Variants in ENPP6 observed in about 807,000 individuals in gnomAD.
ENPP6 encodes the protein glycerophosphocholine cholinephosphodiesterase ENPP6.
In ENPP6, 32 loss-of-function variants were observed where a neutral mutation model predicts 42.0. The ratio of observed to expected loss-of-function variants is 0.76; its 90% CI spans 0.58 to 1.02. The LOEUF (loss-of-function observed/expected upper bound fraction) is 1.02. Among genes scored for constraint, ENPP6 ranks in the 50% least tolerant of loss-of-function variants. The pLI is 0.00. For missense variants in ENPP6, 552 were observed against 566.8 expected (o/e 0.97, Z 0.27); for synonymous variants, 213 against 216.0 (o/e 0.99, Z 0.12).
chr4:184,153,806 T>C, intron 1 of ENPP6, 73 bp from the exon 2 acceptor site: 1 of 1,520,540 alleles, frequency 6.6e-7, no homozygotes, highest in Non-Finnish European at 8.9e-7. Flanking sequence ...TTCTTGATCA[T>C]ATAAGCCATT....
chr4:184,170,362 G>A (rs1404352492), intron 1 of ENPP6, among the ~76,000 whole-genome samples: 1 of 151,554 alleles, frequency 6.6e-6, no homozygotes, highest in Non-Finnish European at 1.5e-5. Flanking sequence ...CCAGGGAGTT[G>A]AAGGTTGTGG....
At chr4:184,117,302 G>A (rs1456730290) in intron 4 of ENPP6, among the ~76,000 whole-genome samples, 1 of 152,182 alleles carries the variant, frequency 6.6e-6, no homozygotes, top group East Asian at 1.9e-4. Flanking sequence ...CATCTTCTCT[G>A]GCTCTTTCAA....
intron 1 of ENPP6, among the ~76,000 whole-genome samples, chr4:184,160,509 C>T (rs931442768): frequency 5.9e-5 from 9 of 151,862 alleles, no homozygotes; most frequent in East Asian, 1.9e-4. Context: ...GGAGAACAGA[C>T]GTTATTTAAT....
At chr4:184,093,835 A>G (rs1267260305) in intron 7 of ENPP6, among the ~76,000 whole-genome samples, 2 of 152,090 alleles carry the variant, frequency 1.3e-5, no homozygotes, top group African/African-American at 4.8e-5. Flanking sequence ...TGGTTGTTCC[A>G]GCGGCATGGA....
At chr4:184,137,484 T>A (rs1363965830) in intron 2 of ENPP6, among the ~76,000 whole-genome samples, 2 of 152,210 alleles carry the variant, frequency 1.3e-5, no homozygotes, top group Non-Finnish European at 1.5e-5. Context: ...TTTTTTAAAT[T>A]GAATACTACA....
chr4:184,102,907 C>T (rs148164703), intron 6 of ENPP6, among the ~76,000 whole-genome samples: 58 of 152,340 alleles, frequency 3.8e-4, no homozygotes, highest in African/African-American at 1.3e-3. Context: ...CCCAGGTGGT[C>T]GGGATGTGCA....
At chr4:184,189,188 T>C (rs1732681343) in intron 1 of ENPP6, among the ~76,000 whole-genome samples, 1 of 152,188 alleles carries the variant, frequency 6.6e-6, no homozygotes, top group African/African-American at 2.4e-5. Flanking sequence ...CCGCCTTCCT[T>C]TCCTGGCCAT....
At chr4:184,104,503 C>T (rs940885151) in intron 6 of ENPP6, among the ~76,000 whole-genome samples, 2 of 152,164 alleles carry the variant, frequency 1.3e-5, no homozygotes, top group African/African-American at 4.8e-5. Context: ...TGGACACTGT[C>T]CAGGAGAGGC....
intron 1 of ENPP6, among the ~76,000 whole-genome samples, chr4:184,207,267 A>C (rs1478400770): frequency 1.3e-5 from 2 of 152,260 alleles, no homozygotes; most frequent in African/African-American, 4.8e-5. Flanking sequence ...TTTCTGGGCC[A>C]CTTTCCTCAA....
intron 1 of ENPP6, among the ~76,000 whole-genome samples, chr4:184,192,390 T>C (rs540186634): frequency 6.6e-6 from 1 of 152,334 alleles, no homozygotes; most frequent in African/African-American, 2.4e-5. Context: ...AAAGGAATAG[T>C]CTTTTTCACA....
intron 2 of ENPP6, among the ~76,000 whole-genome samples, chr4:184,133,265 A>G (rs930261797): frequency 6.6e-6 from 1 of 152,132 alleles, no homozygotes. Context: ...TACTAAGACT[A>G]CCAGTTTATA....
intron 5 of ENPP6, among the ~76,000 whole-genome samples, chr4:184,114,173 C>T (rs2111343884): frequency 1.3e-5 from 2 of 152,208 alleles, no homozygotes; most frequent in African/African-American, 4.8e-5. Flanking sequence ...GCCATGTTGG[C>T]CAGGCTGGTC....
At chr4:184,147,575 T>C (rs988232948) in intron 2 of ENPP6, among the ~76,000 whole-genome samples, 3 of 152,052 alleles carry the variant, frequency 2.0e-5, no homozygotes, top group African/African-American at 4.8e-5. Flanking sequence ...GAGTACGGGA[T>C]TCGAGACCAG....
intron 1 of ENPP6, among the ~76,000 whole-genome samples, chr4:184,207,260 C>T (rs975230446): frequency 1.3e-5 from 2 of 152,232 alleles, no homozygotes; most frequent in African/African-American, 4.8e-5. Flanking sequence ...CAGAATGTTT[C>T]TGGGCCACTT....
At chr4:184,124,024 A>C in intron 3 of ENPP6, 137 bp downstream of exon 3, 2 of 589,246 alleles carry the variant, frequency 3.4e-6, no homozygotes, top group Non-Finnish European at 5.8e-6. Context: ...CTAGCAGTTA[A>C]CAATCACTAT....
intron 1 of ENPP6, among the ~76,000 whole-genome samples, chr4:184,173,103 A>G (rs1392157928): frequency 6.6e-6 from 1 of 152,000 alleles, no homozygotes; most frequent in African/African-American, 2.4e-5. Context: ...ACGGGGTTCC[A>G]CCATGTTGGC....
At chr4:184,146,499 A>G (rs1322183558) in intron 2 of ENPP6, among the ~76,000 whole-genome samples, 2 of 152,240 alleles carry the variant, frequency 1.3e-5, no homozygotes, top group Non-Finnish European at 2.9e-5. Context: ...CTTGCTATAA[A>G]AACAATGCAT....
chr4:184,142,915 G>C (rs1736846766), intron 2 of ENPP6, among the ~76,000 whole-genome samples: 1 of 152,200 alleles, frequency 6.6e-6, no homozygotes, highest in African/African-American at 2.4e-5. Flanking sequence ...CAGGTGAGAG[G>C]AATGAATGAC....
chr4:184,171,598 G>C (rs187748357), intron 1 of ENPP6, among the ~76,000 whole-genome samples: 1 of 152,312 alleles, frequency 6.6e-6, no homozygotes, highest in Admixed American at 6.5e-5. Context: ...GGTGTCACGA[G>C]CCAGACACAT....
Sources: allele counts gnomAD v4.1 joint callset (sites outside exome capture counted in the v4.1 genomes callset), GRCh38; gene constraint gnomAD v4.1.1; transcripts MANE v1.5; gene names NCBI Gene and HGNC (gene_info 2026-07-23, HGNC 2026-07-21).